The following ABCC10 variants were observed in gnomAD, a reference collection of about 807,000 sequenced individuals.
The protein encoded by ABCC10 is ATP-binding cassette sub-family C member 10.
A neutral mutation model predicts 143.2 loss-of-function variants in ABCC10; 110 were observed. The ratio of observed to expected loss-of-function variants is 0.77; its 90% CI spans 0.66 to 0.90. The LOEUF (loss-of-function observed/expected upper bound fraction) is 0.90, where lower values mean the gene tolerates loss of function less well. Ranked by LOEUF, ABCC10 falls within the 40% of genes least tolerant of loss-of-function variation. The probability of loss-of-function intolerance (pLI) is 0.00; values close to 1 mark genes in which losing one functional copy is unlikely to be tolerated. For synonymous variants in ABCC10, 805 were observed against 846.7 expected, an observed-to-expected ratio of 0.95 and a Z score of 0.85; for missense variants, 1,700 against 1,900.5, an observed-to-expected ratio of 0.89 and a Z score of 1.96.
At chr6:43,437,897 C>G (rs762291353) in intron 6 of ABCC10, 37 bp from the exon 7 acceptor site, 13 of 1,599,806 alleles carry the variant, frequency 8.1e-6, no homozygotes, top group Middle Eastern at 1.7e-4. Context: ...TGTCCTGTCT[C>G]CTACCAATAG....
Position 43,443,522 on chromosome 6 carries a change from C to T in ABCC10, c.2416+363C>T, listed in dbSNP as rs1782702063. 1 of 278,844 alleles carries T rather than the reference C, an allele frequency of 3.6e-6. No homozygotes were observed. Among genetic ancestry groups the T allele is most frequent in the Non-Finnish European group, 6.7e-6 (1 of 148,656 alleles). 17.3% of individuals were successfully genotyped at this position (278,844 alleles called of 1,614,324 possible). ...AAGATTTTTATGCAGAGGGATGTGACCACCTGCAAGTTTACTGGGAGAGAA... is the reference window on the plus strand; with the variant it reads ...AAGATTTTTATGCAGAGGGATGTGATCACCTGCAAGTTTACTGGGAGAGAA... On this transcript the variant is annotated intron_variant, in intron 10 of 21. Transcript: ENST00000372530. This position sits in a 1 kb window ranked among gnomAD's most constrained non-coding sequence, Gnocchi z 4.2.
At chr6:43,431,931 A>AG (rs2127382887) in intron 2 of ABCC10, 1 of 1,394,010 alleles carries the variant, frequency 7.2e-7, no homozygotes, top group South Asian at 1.8e-5. Flanking sequence ...GTGGCCGGTT[A>AG]GCTCAGTTGG....
chr6:43,438,631 G>A lies in ABCC10; in HGVS notation c.1963G>A (p.Gly655Arg), dbSNP rs1162357357. The A allele has an allele frequency of 1.2e-6, 2 of 1,613,782 alleles. No homozygotes were observed. The highest frequency in any genetic ancestry group is 1.7e-6 in the Non-Finnish European group (2 of 1,180,010). Residue 655 changes from glycine to arginine, a missense_variant, in exon 8 of 22, where the codon GGG (glycine) becomes AGG (arginine). Gly to Arg is a moderately radical substitution (Grantham distance 125). Coordinates refer to ENST00000372530, the MANE Select transcript of ABCC10 (RefSeq NM_001198934.2). ...TCGCCTGGCTCTCTGCAGGCTGCGT[G>A]GGCATGTGGCAGTGCGGGGGCTGTC... Reference protein sequence around the residue: ...AIAGELHRLRGHVAVRGLSKG... With the variant: ...AIAGELHRLRRHVAVRGLSKG...
At position 43,445,867 on chromosome 6, in the gene ABCC10, T is replaced by C. The variant is rs977381349; in HGVS notation, c.3299T>C (p.Leu1100Pro). Residue 1100 changes from leucine to proline, a missense_variant, in exon 15 of 22, where the codon CTG (leucine) becomes CCG (proline). Transcript: ENST00000372530. ...CTGCGGCGCCTGGGCAGCCTCACCC[T>C]GTCTCCACTGTATAGCCATCTGGCC... ...RELRRLGSLT[L>P]SPLYSHLADT... 18 of 1,614,092 alleles carry C rather than the reference T, an allele frequency of 1.1e-5. No homozygotes were observed. The highest frequency in any genetic ancestry group is 1.4e-5 in the Non-Finnish European group (17 of 1,180,024).
rs1783260638 is a variant in ABCC10, at chr6:43,447,712, GCGTGGAGTTCCAGGA to G, written c.3740_3754del (p.Glu1247_Val1251del). Reference sequence around the variant, plus strand: ...GGCACCGGCTGGCTGACCCAGGGGGGCGTGGAGTTCCAGGACGTGGTGTTGGCGTACCGGCCAGGG... The same window carrying G: ...GGCACCGGCTGGCTGACCCAGGGGGGCGTGGTGTTGGCGTACCGGCCAGGG... On this transcript the variant is annotated inframe_deletion, in exon 18 of 22. Coordinates refer to ENST00000372530, the MANE Select transcript of ABCC10 (RefSeq NM_001198934.2). 6.2e-7 allele frequency: 1 copy of G among 1,614,038 alleles called. No homozygotes were observed. The highest frequency in any genetic ancestry group is 1.3e-5 in the African/African-American group (1 of 74,920).
chr6:43,432,558 G>A lies in ABCC10; in HGVS notation c.578G>A (p.Gly193Glu), dbSNP rs558784668. ...LAYALGWAAP[G>E]GPREPWAQEP... ...TATGCACTGGGATGGGCAGCTCCTG[G>A]GGGACCACGAGAACCCTGGGCTCAG... Residue 193 changes from glycine to glutamate, a missense_variant, in exon 3 of 22, where the codon GGG becomes GAG. Coordinates refer to ENST00000372530, the MANE Select transcript of ABCC10 (RefSeq NM_001198934.2). The A allele has an allele frequency of 3.1e-6, 5 of 1,613,296 alleles. No individual in the cohort carries two copies. Among genetic ancestry groups the A allele is most frequent in the Non-Finnish European group, 3.4e-6 (4 of 1,180,032 alleles).
At position 43,437,942 on chromosome 6, in the gene ABCC10, G is replaced by C; in HGVS notation, c.1884G>C (p.Leu628=). ...ISHLEVKKGM[L]VGIVGKVGCG... The stretch of plus-strand genomic sequence containing the variant: ...GTGTGGCTTCCTTGCAGGGTATGCT[G>C]GTGGGCATCGTGGGGAAGGTCGGCT... Residue 628 remains leucine (L), a synonymous_variant, in exon 7 of 22, where the codon CTG becomes CTC. Transcript: ENST00000372530. 6.2e-7 allele frequency: 1 copy of C among 1,612,892 alleles called. No homozygotes were observed. The highest frequency in any genetic ancestry group is 8.5e-7 in the Non-Finnish European group (1 of 1,179,616).
intron 16 of ABCC10, 36 bp downstream of exon 16, chr6:43,446,482 C>G: frequency 6.3e-7 from 1 of 1,585,758 alleles, no homozygotes; most frequent in Admixed American, 1.7e-5. Context: ...ACCTCATCCA[C>G]AAGTTAGTCC....
chr6:43,450,674 A>G (rs200290716), downstream of ABCC10: 1 of 1,613,966 alleles, frequency 6.2e-7, no homozygotes, highest in African/African-American at 1.3e-5. This position sits in a 1 kb window ranked among gnomAD's most constrained non-coding sequence, Gnocchi z 4.5. Flanking sequence ...AACAGGGTCC[A>G]GGGGGGCAGA....
In ABCC10 at chr6:43,449,890, G is replaced by C. The variant is rs1471619947; in HGVS notation, c.4317-39G>C. ...GGTCAGTGTTCTTACTTAGGGCATT[G>C]TCCCTCATCCCCTACACTGACCATC... On this transcript the variant is annotated intron_variant, in intron 21 of 21. Coordinates refer to ENST00000372530, the MANE Select transcript of ABCC10 (RefSeq NM_001198934.2). 9 of 1,609,834 alleles carry C rather than the reference G, an allele frequency of 5.6e-6. No homozygotes were observed. The East Asian group carries it at 1.8e-4, about 32-fold the overall frequency.
chr6:43,430,503 G>A (rs1168177433), intron 2 of ABCC10, among the ~76,000 whole-genome samples: 1 of 151,906 alleles, frequency 6.6e-6, no homozygotes, highest in Admixed American at 6.5e-5. Flanking sequence ...GCTGAGGCAG[G>A]GGAATCGCTT....
Position 43,435,776 on chromosome 6 carries a change from G to A in ABCC10, c.1634G>A (p.Arg545Gln), listed in dbSNP as rs368489601. 3.1e-6 allele frequency: 5 copies of A among 1,614,066 alleles called. No homozygotes were observed. The highest frequency in any genetic ancestry group is 1.6e-4 in the Middle Eastern group (1 of 6,062). Residue 545 changes from arginine to glutamine, a missense_variant, in exon 5 of 22, where the codon CGA becomes CAA. Transcript: ENST00000372530. ...TKVFTALALV[R>Q]MLILPLNNFP... The stretch of plus-strand genomic sequence containing the variant: ...GTGTTCACGGCCCTGGCACTGGTGC[G>A]AATGCTCATTCTTCCTCTCAACAAC...
rs1313028798 is a variant in ABCC10 at position 43,428,092 on chromosome 6, C to A, written c.114C>A (p.Pro38=). ...CFTQLVLSAL[P]HALLAVLSAC... is the part of the protein sequence containing the mutation. ...CCCAGCTGGTGCTCAGCGCCCTGCC[C>A]CACGCGCTCCTCGCCGTGCTCAGTG... The change falls in exon 2 of 22, where the codon CCC becomes CCA. Residue 38 remains proline, a synonymous_variant. Transcript: ENST00000372530. 3.8e-6 allele frequency: 6 copies of A among 1,559,392 alleles called. No individual in the cohort carries two copies. The highest frequency in any genetic ancestry group is 5.2e-6 in the Non-Finnish European group (6 of 1,153,698).
At chr6:43,442,222 A>G (rs1782548180) in intron 9 of ABCC10, among the ~76,000 whole-genome samples, 1 of 152,100 alleles carries the variant, frequency 6.6e-6, no homozygotes, top group Admixed American at 6.6e-5. Flanking sequence ...AGGCAGGAGG[A>G]TTGCTTGGGC....
In ABCC10 at chr6:43,450,011, C is replaced by T. The variant is rs146754022; in HGVS notation, c.4399C>T (p.Arg1467Cys). Residue 1467 changes from arginine to cysteine, a missense_variant, in exon 22 of 22, where the codon CGC becomes TGC. Physicochemically the swap from Arg to Cys is radical, Grantham distance 180. Transcript: ENST00000372530. This position sits in a 1 kb window ranked among gnomAD's most constrained non-coding sequence, Gnocchi z 4.5. The part of the protein sequence containing the change: ...VVELDSPATL[R>C]NQPHSLFQQL... ...AGAGCTGGACTCCCCGGCCACCCTG[C>T]GCAACCAGCCCCACTCCCTGTTCCA... is the stretch of plus-strand genomic sequence containing the variant. 75 of 1,613,528 alleles carry T rather than the reference C, an allele frequency of 4.6e-5. No homozygotes were observed. The highest frequency in any genetic ancestry group is 3.6e-4 in the African/African-American group (27 of 75,004).
At chr6:43,441,506 G>C (rs1387339363) in intron 8 of ABCC10, among the ~76,000 whole-genome samples, 1 of 152,014 alleles carries the variant, frequency 6.6e-6, no homozygotes, top group African/African-American at 2.4e-5. Context: ...ATGTAACAAA[G>C]TAGTTAAGAA....
intron 2 of ABCC10, 91 bp from the exon 3 acceptor site, chr6:43,432,051 T>G: frequency 6.5e-7 from 1 of 1,536,494 alleles, no homozygotes; most frequent in South Asian, 1.3e-5. Flanking sequence ...GGGAGTTGAT[T>G]CCTTAGGTAA....
chr6:43,450,588 G>C, downstream of ABCC10: 2 of 1,589,018 alleles, frequency 1.3e-6, no homozygotes, highest in East Asian at 4.5e-5. The surrounding 1 kb of genome is among the most constrained non-coding windows in gnomAD (Gnocchi z 4.5). Flanking sequence ...ACGTGGCAGG[G>C]GGAGCCCTGC....
rs375497152 is a variant in ABCC10, at chr6:43,432,179, C to T, written c.199C>T (p.Arg67Cys). Residue 67 changes from arginine (R) to cysteine (C), a missense_variant, in exon 3 of 22, where the codon CGC becomes TGC. Transcript: ENST00000372530. Reference protein sequence around the residue: ...DYILPCSPGWRLRLAASFLLS... With the variant: ...DYILPCSPGWCLRLAASFLLS... ...CATCCTACCCTGCAGTCCTGGATGG[C>T]GCCTCCGACTTGCAGCTTCCTTCCT... is the stretch of plus-strand genomic sequence containing the variant. The T allele has an allele frequency of 3.3e-5, 54 of 1,614,098 alleles. No individual in the cohort carries two copies. The highest frequency in any genetic ancestry group is 2.4e-4 in the African/African-American group (18 of 74,928).
Sources: allele counts gnomAD v4.1 joint callset (sites outside exome capture counted in the v4.1 genomes callset), GRCh38; gene constraint gnomAD v4.1.1; non-coding constraint Gnocchi (gnomAD v3.1); transcripts MANE v1.5; gene names NCBI Gene and HGNC (gene_info 2026-07-23, HGNC 2026-07-21).